Variants in CDH12 observed in about 807,000 individuals in gnomAD.
The protein encoded by CDH12 is cadherin-12.
Under a neutral mutation model 74.1 loss-of-function variants are expected in CDH12, and 41 were observed. The ratio of observed to expected loss-of-function variants is 0.55; its 90% confidence interval spans 0.43 to 0.72. The LOEUF (loss-of-function observed/expected upper bound fraction) is 0.72, where lower values mean the gene tolerates loss of function less well. Ranked by LOEUF, CDH12 falls within the 30% of genes least tolerant of loss-of-function variation. The pLI, the probability that CDH12 is intolerant of heterozygous loss-of-function variation, is 0.00. For synonymous variants in CDH12, 399 were observed against 355.0 expected (o/e 1.12, Z -1.39); for missense variants, 945 against 977.2 (o/e 0.97, Z 0.44).
intron 8 of CDH12, among the ~76,000 whole-genome samples, chr5:21,837,623 G>A (rs755054820): frequency 1.4e-4 from 21 of 151,962 alleles, no homozygotes; most frequent in Non-Finnish European, 2.1e-4. Flanking sequence ...CACACTTGAC[G>A]GTTAATTGTG....
chr5:22,617,647 A>G (rs997317779), intron 1 of CDH12, among the ~76,000 whole-genome samples: 3 of 152,060 alleles, frequency 2.0e-5, no homozygotes, highest in African/African-American at 7.2e-5. Flanking sequence ...CCAGTTTTCA[A>G]TTTCTTAACC....
rs78107760 is a variant in CDH12, at chr5:22,304,367, T to C, written c.-332-91724A>G. ...AAGGGGGTGTGTGTGCACGTACTTATGTTGGCTTTCTCATTTGGTTATTAG... is the reference window on the plus strand; with the variant it reads ...AAGGGGGTGTGTGTGCACGTACTTACGTTGGCTTTCTCATTTGGTTATTAG... On this transcript the variant is annotated intron_variant, in intron 3 of 14. Transcript: ENST00000382254. Among the ~76,000 whole-genome samples the C allele has an allele frequency of 8.0e-3, 1,211 of 152,310 alleles. 18 individuals are homozygous for C. Among genetic ancestry groups the C allele is most frequent in the African/African-American group, 0.028 (1,150 of 41,564 alleles).
chr5:22,046,191 T>C (rs1739939707), intron 5 of CDH12, among the ~76,000 whole-genome samples: 1 of 152,106 alleles, frequency 6.6e-6, no homozygotes, highest in African/African-American at 2.4e-5. Context: ...AAGTGGACAA[T>C]TTAAAAATAA....
intron 3 of CDH12, among the ~76,000 whole-genome samples, chr5:22,327,670 C>A (rs774095830): frequency 2.0e-5 from 3 of 152,168 alleles, no homozygotes; most frequent in Non-Finnish European, 4.4e-5. Context: ...TCTTACTACT[C>A]CATTACCTCC....
At chr5:22,337,745 T>C (rs1336188931) in intron 3 of CDH12, among the ~76,000 whole-genome samples, 1 of 152,172 alleles carries the variant, frequency 6.6e-6, no homozygotes, top group Non-Finnish European at 1.5e-5. Context: ...AATGGACTAA[T>C]ACAATGGACA....
At chr5:22,327,881 A>C (rs1020854987) in intron 3 of CDH12, among the ~76,000 whole-genome samples, 1 of 152,216 alleles carries the variant, frequency 6.6e-6, no homozygotes, top group Non-Finnish European at 1.5e-5. Context: ...AATTTGATAA[A>C]TAGATTCCAA....
chr5:22,338,430 G>C (rs572408956), intron 3 of CDH12, among the ~76,000 whole-genome samples: 3 of 152,064 alleles, frequency 2.0e-5, no homozygotes, highest in African/African-American at 4.8e-5. Context: ...GCTGGGAAGG[G>C]TACTGAGAGG....
chr5:22,822,171 C>T (rs1305918809), intron 1 of CDH12, among the ~76,000 whole-genome samples: 1 of 151,732 alleles, frequency 6.6e-6, no homozygotes, highest in African/African-American at 2.4e-5. Context: ...GGAAAACTGG[C>T]TAGCCATATG....
intron 1 of CDH12, among the ~76,000 whole-genome samples, chr5:22,846,022 G>A (rs1338306616): frequency 6.6e-6 from 1 of 152,106 alleles, no homozygotes; most frequent in African/African-American, 2.4e-5. Flanking sequence ...GAAGTTACTG[G>A]GTTGAAGACA....
chr5:22,081,159 T>C (rs1167315285), intron 4 of CDH12, among the ~76,000 whole-genome samples: 1 of 152,184 alleles, frequency 6.6e-6, no homozygotes, highest in Non-Finnish European at 1.5e-5. Flanking sequence ...TTATTTTCAA[T>C]TGGACAGCAC....
chr5:22,091,901 C>T (rs1267069109), intron 4 of CDH12, among the ~76,000 whole-genome samples: 1 of 151,760 alleles, frequency 6.6e-6, no homozygotes, highest in East Asian at 2.0e-4. Flanking sequence ...ATAAATGGGT[C>T]CATCCTGAGT....
chr5:22,662,136 CATT>C (rs1357594205), intron 1 of CDH12, among the ~76,000 whole-genome samples: 1 of 152,032 alleles, frequency 6.6e-6, no homozygotes. Context: ...CAAAAAGTTC[CATT>C]ATTGTCTGCA....
At chr5:22,687,404 AC>A (rs1741866129) in intron 1 of CDH12, among the ~76,000 whole-genome samples, 1 of 151,886 alleles carries the variant, frequency 6.6e-6, no homozygotes, top group East Asian at 1.9e-4. Context: ...ATTCCTCCAC[AC>A]TTTTTTGTTT....
At chr5:22,785,476 A>T (rs1322009965) in intron 1 of CDH12, among the ~76,000 whole-genome samples, 2 of 151,994 alleles carry the variant, frequency 1.3e-5, no homozygotes, top group Non-Finnish European at 1.5e-5. Flanking sequence ...ATTCTTACCC[A>T]ATTATTACCT....
intron 3 of CDH12, among the ~76,000 whole-genome samples, chr5:22,338,717 T>A (rs1326102613): frequency 1.3e-5 from 2 of 152,136 alleles, no homozygotes; most frequent in Non-Finnish European, 2.9e-5. Flanking sequence ...ACAAAATTTT[T>A]AAAATTTAAA....
At position 22,540,318 on chromosome 5, in the gene CDH12, T is replaced by A. The variant is rs369175324; in HGVS notation, c.-522-34954A>T. 8.5e-5 allele frequency among the ~76,000 whole-genome samples: 13 copies of A among 152,200 alleles called. No homozygotes were observed. In the East Asian group the frequency reaches 1.5e-3, roughly 18 times the overall value. ...TATTTCAAGAGAAAACTACACAAAATCATAGAAGTTATTATTATGTTTAAT... is the reference window on the plus strand; with the variant it reads ...TATTTCAAGAGAAAACTACACAAAAACATAGAAGTTATTATTATGTTTAAT... On this transcript the variant is annotated intron_variant, in intron 1 of 14. Transcript: ENST00000382254.
chr5:22,799,721 A>G (rs1348140864), intron 1 of CDH12, among the ~76,000 whole-genome samples: 2 of 152,212 alleles, frequency 1.3e-5, no homozygotes, highest in South Asian at 2.1e-4. Context: ...CATTTAATGA[A>G]TACTTATTGA....
intron 2 of CDH12, among the ~76,000 whole-genome samples, chr5:22,504,383 G>C (rs1223992406): frequency 6.6e-6 from 1 of 151,964 alleles, no homozygotes; most frequent in Non-Finnish European, 1.5e-5. Flanking sequence ...AAAAGAAAAG[G>C]CTTCATCTTT....
chr5:22,003,470 A>G (rs1394866259), intron 5 of CDH12, among the ~76,000 whole-genome samples: 2 of 152,240 alleles, frequency 1.3e-5, no homozygotes, highest in African/African-American at 4.8e-5. Context: ...CATAGATTCT[A>G]TCATATGAAG....
Sources: allele counts gnomAD v4.1 joint callset (sites outside exome capture counted in the v4.1 genomes callset), GRCh38; gene constraint gnomAD v4.1.1; transcripts MANE v1.5; gene names NCBI Gene and HGNC (gene_info 2026-07-23, HGNC 2026-07-21).